SDE2: variants seen among roughly 807,000 people sequenced by gnomAD.
The protein encoded by SDE2 is spliceosome associated SDE2.
In SDE2, 31 loss-of-function variants were observed where a neutral mutation model predicts 46.9. That is an observed-to-expected ratio of 0.66 (90% CI 0.50 to 0.89). SDE2 has a LOEUF of 0.89. SDE2 is among the 40% of genes least tolerant of loss of function. The probability of loss-of-function intolerance (pLI) is 0.00; values close to 1 mark genes in which losing one functional copy is unlikely to be tolerated. For synonymous variants in SDE2, 205 were observed against 204.3 expected (o/e 1.00, Z -0.03); for missense variants, 542 against 564.4 (o/e 0.96, Z 0.40).
In SDE2 at chr1:225,992,467, A is replaced by G; in HGVS notation, c.451T>C (p.Phe151Leu). The G allele has an allele frequency of 1.2e-6, 2 of 1,613,708 alleles. No homozygotes were observed. The highest frequency in any genetic ancestry group is 1.7e-6 in the Non-Finnish European group (2 of 1,179,900). Residue 151 changes from phenylalanine to leucine, a missense_variant, in exon 4 of 7, where the codon TTC (phenylalanine) becomes CTC (leucine). Coordinates refer to ENST00000272091, the MANE Select transcript of SDE2 (RefSeq NM_152608.4). The stretch of plus-strand genomic sequence containing the variant: ...TGCTGCTGGTAGTCGGGGCTGGTGA[A>G]GCAGTGCTTGGGTTCTACAAGCTTC... ...QRKLVEPKHC[F>L]TSPDYQQQCH...
chr1:225,992,185 G>GA lies in SDE2; in HGVS notation c.520+212dup, dbSNP rs368095249. On this transcript the variant is annotated intron_variant, in intron 4 of 6. Transcript: ENST00000272091. Reference sequence around the variant, plus strand: ...ACAGACCAAGACTCCGTTTTGGGGGGAAAAAAAAAAGCCAAATGTTGTATA... The same window carrying GA: ...ACAGACCAAGACTCCGTTTTGGGGGGAAAAAAAAAAAGCCAAATGTTGTATA... Among the ~76,000 whole-genome samples the GA allele has an allele frequency of 4.0e-5, 6 of 148,698 alleles. No individual in the cohort carries two copies. The South Asian group carries it at 6.4e-4, about 16-fold the overall frequency.
Position 225,990,923 on chromosome 1 carries a change from A to C in SDE2, c.641+320T>G, listed in dbSNP as rs574209266. Among the ~76,000 whole-genome samples, 162 of 152,272 alleles carry C rather than the reference A, an allele frequency of 1.1e-3. 1 individual carries two copies. The highest frequency in any genetic ancestry group is 2.3e-3 in the South Asian group (11 of 4,828). ...TGAAAAACCACAGACAACCACCTGG[A>C]AAGTACAGCTTGATTTCCACCTAGA... On this transcript the variant is annotated intron_variant, in intron 5 of 6. Transcript: ENST00000272091.
At chr1:225,985,672 T>G in intron 6 of SDE2, 149 bp from the exon 7 acceptor site, 2 of 618,196 alleles carry the variant, frequency 3.2e-6, no homozygotes, top group Non-Finnish European at 5.7e-6. Context: ...CACATGTTAT[T>G]CCATAAGTAT....
At position 225,999,330 on chromosome 1, in the gene SDE2, C is replaced by A. The variant is rs1479140193; in HGVS notation, c.-18G>T. Reference sequence around the variant, plus strand: ...TCCGCCATGTCACCGACTACCCGAACCTCAAGCCTCTCTGAGACACCAGGC... The same window carrying A: ...TCCGCCATGTCACCGACTACCCGAAACTCAAGCCTCTCTGAGACACCAGGC... On this transcript the variant is annotated 5_prime_UTR_variant, in exon 1 of 7. Coordinates refer to ENST00000272091, the MANE Select transcript of SDE2 (RefSeq NM_152608.4). 4.4e-6 allele frequency: 7 copies of A among 1,607,588 alleles called. No homozygotes were observed. The East Asian group carries it at 1.3e-4, about 31-fold the overall frequency.
chr1:225,989,016 T>C (rs985191137), intron 5 of SDE2, among the ~76,000 whole-genome samples: 8 of 152,028 alleles, frequency 5.3e-5, no homozygotes, highest in Non-Finnish European at 1.2e-4. Flanking sequence ...AATAAATAGT[T>C]GGCCGGGCGT....
chr1:225,993,454 T>A (rs930149910), intron 2 of SDE2, among the ~76,000 whole-genome samples: 3 of 151,722 alleles, frequency 2.0e-5, no homozygotes, highest in African/African-American at 7.3e-5. Flanking sequence ...TACTAAAAAA[T>A]ACAAAAAATT....
At chr1:225,987,509 C>A (rs1041937016) in intron 6 of SDE2, among the ~76,000 whole-genome samples, 4 of 152,000 alleles carry the variant, frequency 2.6e-5, no homozygotes. Context: ...AATTTAGTGA[C>A]GGGAAAAATG....
At chr1:225,997,359 T>G (rs1656551080) in intron 1 of SDE2, among the ~76,000 whole-genome samples, 1 of 151,226 alleles carries the variant, frequency 6.6e-6, no homozygotes, top group Non-Finnish European at 1.5e-5. Flanking sequence ...ACTAATATTC[T>G]TTTGTGTTTC....
At chr1:225,989,759 TACAC>T (rs375682434) in intron 5 of SDE2, among the ~76,000 whole-genome samples, 1 of 151,130 alleles carries the variant, frequency 6.6e-6, no homozygotes, top group Non-Finnish European at 1.5e-5. Flanking sequence ...TAAATATTAA[TACAC>T]ACACACACAC....
At chr1:225,987,563 C>T (rs575821742) in intron 6 of SDE2, among the ~76,000 whole-genome samples, 52 of 152,066 alleles carry the variant, frequency 3.4e-4, no homozygotes, top group Non-Finnish European at 7.1e-4. Context: ...CATAATATAC[C>T]CTCATTCATG....
chr1:225,996,003 G>A (rs1474494494), intron 1 of SDE2, among the ~76,000 whole-genome samples: 2 of 152,268 alleles, frequency 1.3e-5, no homozygotes, highest in South Asian at 4.1e-4. Flanking sequence ...CCCAGTAAAA[G>A]CCCACTCTGG....
chr1:225,989,163 G>A (rs751700380), intron 5 of SDE2, among the ~76,000 whole-genome samples: 9 of 151,590 alleles, frequency 5.9e-5, no homozygotes, highest in Non-Finnish European at 1.3e-4. Context: ...CAGGCCTGGT[G>A]GCAGGTGCCT....
chr1:225,995,496 T>C (rs1656502144), intron 1 of SDE2, 113 bp from the exon 2 acceptor site: 1 of 535,182 alleles, frequency 1.9e-6, no homozygotes, highest in South Asian at 2.7e-5. Flanking sequence ...GGGTGTTCAA[T>C]TAATATTTGT....
At position 225,988,136 on chromosome 1, in the gene SDE2, A is replaced by C; in HGVS notation, c.894T>G (p.Cys298Trp). The change falls in exon 6 of 7, where the codon TGT becomes TGG. Residue 298 changes from cysteine (C) to tryptophan (W), a missense_variant. Around this residue, in one of 3 missense-constraint regions of SDE2, gnomAD observed 401 missense variants for 437.8 expected, o/e 0.92. Transcript: ENST00000272091. ...DSGRHILEDS[C>W]AELGESKEHM... ...GCTCTTTGGACTCCCCCAGCTCAGC[A>C]CATGAGTCTTCTAAAATATGCCTCC... 6.2e-7 allele frequency: 1 copy of C among 1,614,216 alleles called. No homozygotes were observed. Among genetic ancestry groups the C allele is most frequent in the Non-Finnish European group, 8.5e-7 (1 of 1,180,044 alleles).
chr1:225,997,709 G>A (rs1358048522), intron 1 of SDE2, among the ~76,000 whole-genome samples: 1 of 152,170 alleles, frequency 6.6e-6, no homozygotes, highest in African/African-American at 2.4e-5. Flanking sequence ...GGAATTACAG[G>A]CGTGAGCCAC....
rs1245450021 is a variant in SDE2, at chr1:225,982,919, T to C, written c.*2383A>G. 3 of 152,148 alleles carry C rather than the reference T, an allele frequency of 2.0e-5. No homozygotes were observed. The highest frequency in any genetic ancestry group is 7.2e-5 in the African/African-American group (3 of 41,448). 9.4% of individuals were successfully genotyped at this position (152,148 alleles called of 1,614,324 possible). On this transcript the variant is annotated 3_prime_UTR_variant, in exon 7 of 7. Transcript: ENST00000272091. ...TTTATGTGAAGTGGCACATCAACTC[T>C]AGGTAGACTGAAAAATTAAGAATGT...
At chr1:225,993,288 T>A (rs1304748113) in intron 2 of SDE2, among the ~76,000 whole-genome samples, 1 of 152,108 alleles carries the variant, frequency 6.6e-6, no homozygotes, top group East Asian at 1.9e-4. Context: ...TGCATACCGG[T>A]ATAATACCTG....
intron 2 of SDE2, among the ~76,000 whole-genome samples, chr1:225,994,098 A>C (rs910327828): frequency 2.1e-5 from 3 of 142,842 alleles, no homozygotes; most frequent in Non-Finnish European, 4.5e-5. Context: ...TTTTTTTTTG[A>C]GAGAGTCTCA....
At chr1:225,991,144 C>G (rs1656389267) in intron 5 of SDE2, 99 bp downstream of exon 5, 2 of 1,253,688 alleles carry the variant, frequency 1.6e-6, no homozygotes, top group Non-Finnish European at 2.3e-6. Flanking sequence ...GAGCTCCCAC[C>G]AAACACTACA....
Sources: gnomAD v4.1 joint callset for allele counts (sites outside exome capture counted in the v4.1 genomes callset) on GRCh38, gnomAD v4.1.1 for gene constraint, gnomAD v4.1.1 regional missense constraint, MANE v1.5 for transcripts, NCBI Gene and HGNC (gene_info 2026-07-23, HGNC 2026-07-21) for gene names.